The following DRC9 variants were observed in gnomAD, a reference collection of about 807,000 sequenced individuals.
The protein encoded by DRC9 is dynein regulatory complex protein 9.
chr3:197,926,232 T>C, the DRC9 span: 6 of 633,452 alleles, frequency 9.5e-6, 1 homozygote, highest in South Asian at 1.1e-4. Context: ...ACTCAGCAGG[T>C]CTGGGAGGGG....
chr3:197,943,746 G>A, the DRC9 span: 1 of 1,580,230 alleles, frequency 6.3e-7, no homozygotes, highest in South Asian at 1.1e-5. Flanking sequence ...AAAAAATAAA[G>A]CAAAATTAAC....
chr3:197,950,775 C>T, the DRC9 span: 6 of 645,590 alleles, frequency 9.3e-6, no homozygotes, highest in African/African-American at 5.5e-5. Flanking sequence ...AATGTCTTGC[C>T]GGACCCTGCG....
chr3:197,926,761 C>T, the DRC9 span, among the ~76,000 whole-genome samples: 1 of 152,160 alleles, frequency 6.6e-6, no homozygotes, highest in East Asian at 1.9e-4. Context: ...TTGACTTTGG[C>T]TCAAGGACTC....
chr3:197,897,614 A>G, the DRC9 span, among the ~76,000 whole-genome samples: 7 of 152,292 alleles, frequency 4.6e-5, no homozygotes, highest in South Asian at 1.4e-3. Flanking sequence ...AATAAGTAAC[A>G]AAATGAAAAA....
At chr3:197,890,291 G>A in the DRC9 span, among the ~76,000 whole-genome samples, 1 of 152,102 alleles carries the variant, frequency 6.6e-6, no homozygotes, top group Non-Finnish European at 1.5e-5. Flanking sequence ...TATAGTCCCA[G>A]CTGTTTGGGA....
the DRC9 span, chr3:197,912,633 A>G: frequency 7.3e-7 from 1 of 1,364,638 alleles, no homozygotes; most frequent in Non-Finnish European, 1.0e-6. Context: ...TAAGCAGAGT[A>G]CAAAAAAAAA....
chr3:197,937,466 T>C, the DRC9 span, among the ~76,000 whole-genome samples: 1 of 151,668 alleles, frequency 6.6e-6, no homozygotes, highest in Non-Finnish European at 1.5e-5. Flanking sequence ...CTTTTTCTTT[T>C]CTCTTTTTTT....
the DRC9 span, among the ~76,000 whole-genome samples, chr3:197,897,224 G>A: frequency 7.2e-4 from 109 of 151,962 alleles, no homozygotes; most frequent in South Asian, 2.1e-3. Context: ...CTAGGAAGAC[G>A]TAAGTTACAA....
the DRC9 span, among the ~76,000 whole-genome samples, chr3:197,936,796 G>A: frequency 2.0e-5 from 3 of 152,126 alleles, no homozygotes; most frequent in African/African-American, 7.2e-5. Context: ...ACAAATAATT[G>A]CGACTGGTAT....
At chr3:197,950,589 T>C in the DRC9 span, 1 of 363,212 alleles carries the variant, frequency 2.8e-6, no homozygotes, top group Non-Finnish European at 5.0e-6. Context: ...AGCCATTGCA[T>C]AAAAGTCTTA....
At chr3:197,912,759 C>T in the DRC9 span, 1 of 1,607,642 alleles carries the variant, frequency 6.2e-7, no homozygotes, top group African/African-American at 1.3e-5. Flanking sequence ...TCTGTAAGAA[C>T]AATCAGATAC....
the DRC9 span, chr3:197,955,772 A>G: frequency 1.9e-5 from 31 of 1,603,544 alleles, no homozygotes; most frequent in African/African-American, 9.4e-5. Context: ...TCAAGGATTT[A>G]AACTAACGAA....
At chr3:197,889,593 CCT>C in the DRC9 span, 1 of 1,614,210 alleles carries the variant, frequency 6.2e-7, no homozygotes, top group Non-Finnish European at 8.5e-7. Flanking sequence ...CTTCTTCTTG[CCT>C]CTCCTCTTAT....
At chr3:197,893,773 G>A in the DRC9 span, among the ~76,000 whole-genome samples, 5 of 151,686 alleles carry the variant, frequency 3.3e-5, no homozygotes, top group South Asian at 2.1e-4. Context: ...TCTTGAACCC[G>A]GGAGACAGAG....
the DRC9 span, among the ~76,000 whole-genome samples, chr3:197,926,493 C>A: frequency 6.6e-6 from 1 of 152,124 alleles, no homozygotes; most frequent in Non-Finnish European, 1.5e-5. Flanking sequence ...CTCACAATAG[C>A]CTGATTTCTA....
the DRC9 span, among the ~76,000 whole-genome samples, chr3:197,942,588 T>C: frequency 1.3e-5 from 2 of 151,902 alleles, no homozygotes; most frequent in Non-Finnish European, 2.9e-5. Context: ...CTCTTATTTA[T>C]ATAGCAATTT....
the DRC9 span, among the ~76,000 whole-genome samples, chr3:197,934,793 C>T: frequency 1.4e-5 from 2 of 139,428 alleles, no homozygotes; most frequent in Non-Finnish European, 3.1e-5. Flanking sequence ...CATAGTGAGA[C>T]CCCCTCCCCC....
chr3:197,912,229 A>G, the DRC9 span, among the ~76,000 whole-genome samples: 1 of 150,848 alleles, frequency 6.6e-6, no homozygotes, highest in Admixed American at 6.6e-5. Context: ...TAATAGAAAC[A>G]GGGTTTCACC....
the DRC9 span, chr3:197,950,901 C>T: frequency 2.5e-6 from 4 of 1,610,198 alleles, no homozygotes; most frequent in African/African-American, 2.7e-5. Flanking sequence ...ACTTGTGTGG[C>T]TTGGTTTTAA....
Sources: allele counts gnomAD v4.1 joint callset (sites outside exome capture counted in the v4.1 genomes callset), GRCh38; gene constraint gnomAD v4.1.1; transcripts MANE v1.5; gene names NCBI Gene and HGNC (gene_info 2026-07-23, HGNC 2026-07-21).